Variants in ATP2B1 observed in about 807,000 individuals in gnomAD.
The protein encoded by ATP2B1 is plasma membrane calcium-transporting ATPase 1.
ATP2B1 carries 14 observed loss-of-function variants against 124.2 expected under a neutral mutation model. The observed-to-expected ratio is 0.11, with a 90% CI of 0.07 to 0.18. The LOEUF (loss-of-function observed/expected upper bound fraction) is 0.18. Ranked by LOEUF, ATP2B1 falls within the 10% of genes least tolerant of loss-of-function variation. The pLI is 1.00. For synonymous variants in ATP2B1, 449 were observed against 492.4 expected (o/e 0.91, Z 1.17); for missense variants, 763 against 1,466.1 (o/e 0.52, Z 7.83).
At position 89,697,597 on chromosome 12, in the gene ATP2B1, TA is replaced by T. The variant is rs1891297670; in HGVS notation, c.-222+10998del. ...TATCCACACATTTAAACTTATTTCA[TA>T]CATGTATTCATTTTCAGTTTTGACA... On this transcript the variant is annotated intron_variant, in intron 1 of 20. Transcript: ENST00000428670. Among the ~76,000 whole-genome samples the T allele has an allele frequency of 2.6e-5, 4 of 152,102 alleles. No homozygotes were observed. The South Asian group carries it at 6.2e-4, about 24-fold the overall frequency.
At chr12:89,699,902 T>C (rs892093690) in intron 1 of ATP2B1, among the ~76,000 whole-genome samples, 40 of 152,090 alleles carry the variant, frequency 2.6e-4, no homozygotes, top group Non-Finnish European at 5.0e-4. Flanking sequence ...TGTAGTGCTG[T>C]GGCACAATCT....
rs1485611203 is a variant in ATP2B1 at position 89,589,619 on chromosome 12, A to T, written c.*1365T>A. ...CAATGAAGAGTATGTCAAATGGTAA[A>T]ATTGTGTTAATTTTCTTAATCTGAT... On this transcript the variant is annotated 3_prime_UTR_variant, in exon 21 of 21. Coordinates refer to ENST00000428670, the MANE Select transcript of ATP2B1 (RefSeq NM_001366521.1). The T allele has an allele frequency of 1.3e-5, 2 of 152,076 alleles. No homozygotes were observed. Among genetic ancestry groups the T allele is most frequent in the Non-Finnish European group, 1.5e-5 (1 of 68,000 alleles). 9.4% of individuals were successfully genotyped at this position (152,076 alleles called of 1,614,324 possible). A position where few individuals can be genotyped will look rare whatever the true frequency, so the allele number is the denominator to read the frequency against.
chr12:89,698,081 G>C (rs911615584), intron 1 of ATP2B1, among the ~76,000 whole-genome samples: 2 of 152,016 alleles, frequency 1.3e-5, no homozygotes, highest in Non-Finnish European at 2.9e-5. Flanking sequence ...ATTTTGGCCA[G>C]GCTGGTCTCG....
intron 1 of ATP2B1, among the ~76,000 whole-genome samples, chr12:89,671,385 T>C (rs1298296277): frequency 6.6e-6 from 1 of 152,190 alleles, no homozygotes; most frequent in African/African-American, 2.4e-5. Context: ...TTTTCTACGT[T>C]CACAATGAGG....
intron 1 of ATP2B1, among the ~76,000 whole-genome samples, chr12:89,679,036 T>C (rs922149511): frequency 6.6e-6 from 1 of 151,944 alleles, no homozygotes; most frequent in Admixed American, 6.6e-5. Flanking sequence ...CCAGAGTAGA[T>C]CCAAAGCTAC....
chr12:89,695,292 A>G (rs527342196), intron 1 of ATP2B1, among the ~76,000 whole-genome samples: 1 of 152,238 alleles, frequency 6.6e-6, no homozygotes, highest in East Asian at 1.9e-4. Flanking sequence ...CACTGCACAA[A>G]AAAGGAAACC....
intron 1 of ATP2B1, among the ~76,000 whole-genome samples, chr12:89,666,658 T>C (rs896563607): frequency 1.1e-4 from 17 of 152,210 alleles, no homozygotes; most frequent in East Asian, 1.9e-4. Context: ...TGAATAGACA[T>C]ACCATCTGGC....
chr12:89,677,975 C>T (rs1474953070), intron 1 of ATP2B1, among the ~76,000 whole-genome samples: 10,960 of 47,406 alleles, frequency 0.23, 1,282 homozygotes, highest in Middle Eastern at 0.42. Context: ...TATATATACA[C>T]ACACACACAC....
intron 7 of ATP2B1, 43 bp downstream of exon 7, chr12:89,627,635 T>A (rs2136132996): frequency 6.3e-7 from 1 of 1,597,300 alleles, no homozygotes; most frequent in Non-Finnish European, 8.6e-7. Context: ...TTTTTGGATA[T>A]AATGAAAACA....
In ATP2B1 at chr12:89,591,140, A is replaced by G. The variant is rs1873481592; in HGVS notation, c.3507T>C (p.Asp1169=). The G allele has an allele frequency of 6.2e-7, 1 of 1,613,320 alleles. No individual in the cohort carries two copies. The highest frequency in any genetic ancestry group is 2.2e-5 in the East Asian group (1 of 44,868). The change falls in exon 21 of 21, where the codon GAT becomes GAC. Residue 1169 remains aspartate (D), a synonymous_variant. Coordinates refer to ENST00000428670, the MANE Select transcript of ATP2B1 (RefSeq NM_001366521.1). ...IPLIDDTDAE[D]DAPTKRNSSP... ...TGGAGTTACGTTTTGTAGGAGCATC[A>G]TCTTCGGCATCAGTGTCATCAATAA...
chr12:89,593,376 T>C (rs934249555), intron 20 of ATP2B1: 4 of 151,994 alleles, frequency 2.6e-5, no homozygotes, highest in African/African-American at 9.7e-5. Flanking sequence ...TGATGGGTGA[T>C]GAGAACTGTT....
intron 15 of ATP2B1, among the ~76,000 whole-genome samples, chr12:89,604,670 T>C (rs1189898673): frequency 6.6e-6 from 1 of 151,830 alleles, no homozygotes; most frequent in African/African-American, 2.4e-5. Context: ...ACAAACTCTA[T>C]GAAGACAAAG....
chr12:89,628,073 C>G (rs1881186002), intron 6 of ATP2B1, among the ~76,000 whole-genome samples: 1 of 151,752 alleles, frequency 6.6e-6, no homozygotes, highest in Admixed American at 6.6e-5. Context: ...GGAGGAAGAG[C>G]AGGGGTAGAG....
At chr12:89,699,724 G>A (rs1266020327) in intron 1 of ATP2B1, among the ~76,000 whole-genome samples, 5 of 152,194 alleles carry the variant, frequency 3.3e-5, no homozygotes, top group African/African-American at 1.2e-4. Context: ...GGAGACACAG[G>A]CTCTGAGAAA....
intron 1 of ATP2B1, among the ~76,000 whole-genome samples, chr12:89,702,869 C>T (rs899464350): frequency 2.4e-4 from 37 of 151,988 alleles, no homozygotes; most frequent in African/African-American, 7.7e-4. Context: ...ACACCACATA[C>T]GATTTGGAAT....
chr12:89,658,377 G>A (rs1592891876), intron 1 of ATP2B1, among the ~76,000 whole-genome samples: 1 of 152,240 alleles, frequency 6.6e-6, no homozygotes, highest in Middle Eastern at 3.4e-3. Context: ...GAGGACTCAT[G>A]TATTCTGGTT....
intron 1 of ATP2B1, among the ~76,000 whole-genome samples, chr12:89,691,726 A>G (rs1158527005): frequency 6.6e-6 from 1 of 152,106 alleles, no homozygotes; most frequent in Non-Finnish European, 1.5e-5. Flanking sequence ...CATATTTCCG[A>G]CTCAAATAAT....
At chr12:89,701,037 A>T (rs781382054) in intron 1 of ATP2B1, among the ~76,000 whole-genome samples, 1 of 152,226 alleles carries the variant, frequency 6.6e-6, no homozygotes, top group Non-Finnish European at 1.5e-5. Context: ...ATTCAATAGA[A>T]ATGATAAAGT....
At chr12:89,697,645 T>C (rs1302855292) in intron 1 of ATP2B1, among the ~76,000 whole-genome samples, 1 of 151,538 alleles carries the variant, frequency 6.6e-6, no homozygotes, top group Non-Finnish European at 1.5e-5. Context: ...GCATAAAGTC[T>C]GTTTAGGAAA....
Sources: gnomAD v4.1 joint callset for allele counts (sites outside exome capture counted in the v4.1 genomes callset) on GRCh38, gnomAD v4.1.1 for gene constraint, MANE v1.5 for transcripts, NCBI Gene and HGNC (gene_info 2026-07-23, HGNC 2026-07-21) for gene names.